Variants in USP48 observed in about 807,000 individuals in gnomAD.
USP48 encodes the protein ubiquitin carboxyl-terminal hydrolase 48.
In USP48, 43 loss-of-function variants were observed where a neutral mutation model predicts 150.7. That is an observed-to-expected ratio of 0.29 (90% CI 0.22 to 0.37). The LOEUF is 0.37. Among genes scored for constraint, USP48 ranks in the 10% least tolerant of loss-of-function variants. USP48 has a pLI of 1.00. For missense variants in USP48, 813 were observed against 1,249.6 expected (o/e 0.65, Z 5.27); for synonymous variants, 396 against 425.9 (o/e 0.93, Z 0.86).
Position 21,756,603 on chromosome 1 carries a change from A to C in USP48, c.355T>G (p.Leu119Val). 6.2e-7 allele frequency: 1 copy of C among 1,608,592 alleles called. No homozygotes were observed. The highest frequency in any genetic ancestry group is 8.5e-7 in the Non-Finnish European group (1 of 1,178,526). Residue 119 changes from leucine (L) to valine (V), a missense_variant, in exon 3 of 27, where the codon TTA becomes GTA. Transcript: ENST00000308271. The stretch of plus-strand genomic sequence containing the variant: ...TAGTCACTACAAGTGCTTGGACATA[A>C]GTAGAGTGCCTGCCGAAGCTCCAAG... ...LNLELRQALY[L>V]CPSTCSDYML... is the part of the protein sequence containing the mutation.
chr1:21,752,450 C>G, intron 5 of USP48, 77 bp downstream of exon 5: 2 of 1,538,906 alleles, frequency 1.3e-6, no homozygotes, highest in Non-Finnish European at 1.8e-6. Context: ...CAACCTGGAA[C>G]TGCACTGAAA....
chr1:21,753,945 AAGGTCGGG>A (rs1239030087), intron 3 of USP48, among the ~76,000 whole-genome samples: 1 of 149,970 alleles, frequency 6.7e-6, no homozygotes, highest in African/African-American at 2.5e-5. Flanking sequence ...GGCGGATCAC[AAGGTCGGG>A]AGTTCCAGAC....
In USP48 at chr1:21,705,528, T is replaced by C. The variant is rs557664512; in HGVS notation, c.2384+199A>G. Among the ~76,000 whole-genome samples, 20 of 152,142 alleles carry C rather than the reference T, an allele frequency of 1.3e-4. No individual in the cohort carries two copies. The East Asian group carries it at 1.9e-3, about 15-fold the overall frequency. On this transcript the variant is annotated intron_variant, in intron 19 of 26. Coordinates refer to ENST00000308271, the MANE Select transcript of USP48 (RefSeq NM_032236.8). ...GACAAGGAAAGAGCAAAAAGACAAA[T>C]AGCCTCGGGCAGCCTCTTGTCTTTC...
chr1:21,684,993 T>C (rs1055445052), intron 25 of USP48, among the ~76,000 whole-genome samples: 4 of 152,236 alleles, frequency 2.6e-5, no homozygotes, highest in Non-Finnish European at 5.9e-5. Context: ...TTTGTTCTTT[T>C]TGCTGAGGAT....
At chr1:21,754,094 G>A (rs1028687117) in intron 3 of USP48, among the ~76,000 whole-genome samples, 1 of 152,110 alleles carries the variant, frequency 6.6e-6, no homozygotes, top group African/African-American at 2.4e-5. Context: ...CCGACAGGCG[G>A]AGGTTGTAGT....
At position 21,679,361 on chromosome 1, in the gene USP48, T is replaced by C; in HGVS notation, c.*56A>G. 6.2e-7 allele frequency: 1 copy of C among 1,610,200 alleles called. No individual in the cohort carries two copies. On this transcript the variant is annotated 3_prime_UTR_variant, in exon 27 of 27. Transcript: ENST00000308271. The stretch of plus-strand genomic sequence containing the variant: ...CCACCTTTGCTTTAATGCCCTAACA[T>C]GTCAAACTCCTCTTCCCCTCTGGTC...
At chr1:21,734,620 T>C (rs1478685438) in intron 9 of USP48, among the ~76,000 whole-genome samples, 1 of 152,206 alleles carries the variant, frequency 6.6e-6, no homozygotes. Flanking sequence ...CTTACTCCCA[T>C]TTCTTTTCTC....
intron 8 of USP48, among the ~76,000 whole-genome samples, chr1:21,740,383 C>T (rs192555891): frequency 3.1e-4 from 47 of 152,298 alleles, no homozygotes; most frequent in Non-Finnish European, 4.7e-4. Flanking sequence ...AGAAGATTAT[C>T]AAAATGAATC....
chr1:21,751,237 C>G (rs1490139704), intron 6 of USP48, among the ~76,000 whole-genome samples: 1 of 152,174 alleles, frequency 6.6e-6, no homozygotes, highest in Non-Finnish European at 1.5e-5. Context: ...AGAGTTCTTT[C>G]AATACCCCAC....
chr1:21,728,106 A>C (rs186730133), intron 11 of USP48: 92 of 985,896 alleles, frequency 9.3e-5, no homozygotes, highest in Non-Finnish European at 1.1e-4. Flanking sequence ...AAGCTTTTCT[A>C]CTCTTAGCAT....
chr1:21,706,190 A>G lies in USP48; in HGVS notation c.2212-3T>C. The G allele has an allele frequency of 1.9e-6, 3 of 1,613,144 alleles. No homozygotes were observed. Among genetic ancestry groups the G allele is most frequent in the South Asian group, 1.1e-5 (1 of 90,914 alleles). ...ACGATGTAGAGGACATCCGTATCCTAGAACACAAAAATCACAAAACAGTAT... is the reference window on the plus strand; with the variant it reads ...ACGATGTAGAGGACATCCGTATCCTGGAACACAAAAATCACAAAACAGTAT... On this transcript the variant is annotated splice_polypyrimidine_tract_variant and splice_region_variant and intron_variant, in intron 17 of 26. Transcript: ENST00000308271.
chr1:21,706,553 G>A lies in USP48; in HGVS notation c.2125C>T (p.His709Tyr), dbSNP rs747038488. ...EREGEENEAL[H>Y]KMIANEQKTS... Reference sequence around the variant, plus strand: ...TTTTGCTCGTTTGCAATCATCTTATGTAAGGCTTCATTTTCTTCCCCTTCT... The same window carrying A: ...TTTTGCTCGTTTGCAATCATCTTATATAAGGCTTCATTTTCTTCCCCTTCT... Residue 709 changes from histidine to tyrosine, a missense_variant, in exon 17 of 27, where the codon CAT becomes TAT. Physicochemically the swap from His to Tyr is moderately conservative, Grantham distance 83 (BLOSUM62 2). Coordinates refer to ENST00000308271, the MANE Select transcript of USP48 (RefSeq NM_032236.8). 53 of 1,614,050 alleles carry A rather than the reference G, an allele frequency of 3.3e-5. No homozygotes were observed. Among genetic ancestry groups the A allele is most frequent in the Non-Finnish European group, 4.2e-5 (50 of 1,180,034 alleles).
At chr1:21,763,479 G>A (rs1254741553) in intron 1 of USP48, among the ~76,000 whole-genome samples, 1 of 152,202 alleles carries the variant, frequency 6.6e-6, no homozygotes, top group East Asian at 1.9e-4. Flanking sequence ...GCGGGGTTGT[G>A]TTTGTTCTCT....
chr1:21,763,512 A>G (rs1049050142), intron 1 of USP48, among the ~76,000 whole-genome samples: 1 of 152,226 alleles, frequency 6.6e-6, no homozygotes, highest in Non-Finnish European at 1.5e-5. Context: ...TAAAGAATCT[A>G]CTTAACAAAC....
chr1:21,751,712 A>C, intron 5 of USP48, 97 bp from the exon 6 acceptor site: 1 of 904,094 alleles, frequency 1.1e-6, no homozygotes, highest in Non-Finnish European at 1.7e-6. Flanking sequence ...AAGCATTTAT[A>C]ACTTTCATTA....
chr1:21,688,116 T>G (rs568662891), intron 24 of USP48, among the ~76,000 whole-genome samples: 1 of 152,172 alleles, frequency 6.6e-6, no homozygotes, highest in African/African-American at 2.4e-5. Context: ...TTCGGCACAG[T>G]AGGGATTCTT....
chr1:21,708,812 G>A (rs2097681140), intron 15 of USP48, among the ~76,000 whole-genome samples: 1 of 143,562 alleles, frequency 7.0e-6, no homozygotes, highest in African/African-American at 2.6e-5. Context: ...TTGAACCCGG[G>A]AGGCAGAGGT....
intron 3 of USP48, among the ~76,000 whole-genome samples, chr1:21,754,115 T>G (rs1455644172): frequency 1.3e-5 from 2 of 150,978 alleles, no homozygotes; most frequent in East Asian, 2.0e-4. Flanking sequence ...TAGCCAAGAT[T>G]GTGCCACTGC....
rs375176635 is a variant in USP48 at position 21,689,941 on chromosome 1, T to G, written c.3009+33A>C. The G allele has an allele frequency of 4.7e-5, 76 of 1,610,386 alleles. No individual in the cohort carries two copies. In the African/African-American group the frequency reaches 8.7e-4, roughly 18 times the overall value. On this transcript the variant is annotated intron_variant, in intron 24 of 26. Transcript: ENST00000308271. ...ACATAGTTATGTAACATGTAAAACC[T>G]TGAGTTCTTCAGCTAAGGAGCTGTT...
Sources: gnomAD v4.1 joint callset for allele counts (sites outside exome capture counted in the v4.1 genomes callset) on GRCh38, gnomAD v4.1.1 for gene constraint, MANE v1.5 for transcripts, NCBI Gene and HGNC (gene_info 2026-07-23, HGNC 2026-07-21) for gene names.